The following VWF variants were observed in gnomAD, a reference collection of about 807,000 sequenced individuals.
VWF encodes the protein von Willebrand factor, also known as Factor VIII related antigen.
VWF carries 176 observed loss-of-function variants against 308.6 expected under a neutral mutation model. That is an observed-to-expected ratio of 0.57 (90% confidence interval 0.50 to 0.65). The LOEUF (loss-of-function observed/expected upper bound fraction) is 0.65, where lower values mean the gene tolerates loss of function less well. VWF is among the 30% of genes least tolerant of loss of function. The pLI, the probability that VWF is intolerant of heterozygous loss-of-function variation, is 0.00. For synonymous variants in VWF, 1,385 were observed against 1,443.4 expected (o/e 0.96, Z 0.92); for missense variants, 3,146 against 3,648.2 (o/e 0.86, Z 3.55).
intron 6 of VWF, among the ~76,000 whole-genome samples, chr12:6,077,679 C>T (rs908094479): frequency 2.6e-5 from 4 of 152,210 alleles, no homozygotes; most frequent in South Asian, 2.1e-4. Flanking sequence ...GCCAGCACCA[C>T]GTAGGCCAGC....
Position 6,075,336 on chromosome 12 carries a change from G to A in VWF, c.873C>T (p.Cys291=). Residue 291 remains cysteine (C), a splice_region_variant and synonymous_variant, in exon 7 of 52, where the codon TGC becomes TGT. Transcript: ENST00000261405. This position sits in a 1 kb window ranked among gnomAD's most constrained non-coding sequence, Gnocchi z 4.7. ...VLYGWTDHSA[C]SPVCPAGMEY... ...GGACGGGGCAGGGGGCCGACTTACT[G>A]CACGCGCTGTGGTCGGTCCAGCCGT... The A allele has an allele frequency of 6.2e-7, 1 of 1,613,962 alleles. No homozygotes were observed. Among genetic ancestry groups the A allele is most frequent in the Non-Finnish European group, 8.5e-7 (1 of 1,179,994 alleles).
chr12:5,996,368 C>A, intron 34 of VWF, 146 bp from the exon 35 acceptor site: 2 of 755,734 alleles, frequency 2.6e-6, no homozygotes, highest in South Asian at 3.3e-5. Flanking sequence ...AGAACAATTT[C>A]CTCCTTTTTT....
intron 6 of VWF, among the ~76,000 whole-genome samples, chr12:6,078,031 G>C (rs770027875): frequency 7.2e-5 from 11 of 152,120 alleles, no homozygotes; most frequent in Non-Finnish European, 1.5e-4. Context: ...CTTAATAAAT[G>C]ATGACCCCTA....
In VWF at chr12:6,016,166, G is replaced by A. The variant is rs1944054359; in HGVS notation, c.5378C>T (p.Ser1793Leu). 1 of 1,614,052 alleles carries A rather than the reference G, an allele frequency of 6.2e-7. No individual in the cohort carries two copies. The highest frequency in any genetic ancestry group is 8.5e-7 in the Non-Finnish European group (1 of 1,180,038). ...CGTGACCAGGATGACCACCGCCTTT[G>A]AGGCTCCCGGCCTGGCACCATGCAT... The part of the protein sequence containing the change: ...SEMHGARPGA[S>L]KAVVILVTDV... Residue 1793 changes from serine (S) to leucine (L), a missense_variant, in exon 31 of 52, where the codon TCA becomes TTA. Physicochemically the swap from Ser to Leu is moderately radical, Grantham distance 145. Around this residue, in one of 3 missense-constraint regions of VWF, gnomAD observed 853 missense variants for 1,177.8 expected, o/e 0.72. Coordinates refer to ENST00000261405, the MANE Select transcript of VWF (RefSeq NM_000552.5).
At chr12:6,022,347 G>A (rs1459979104) in intron 26 of VWF, among the ~76,000 whole-genome samples, 1 of 152,126 alleles carries the variant, frequency 6.6e-6, no homozygotes, top group Admixed American at 6.5e-5. Flanking sequence ...CTCTAGAGCT[G>A]TGCTGTACCA....
chr12:6,000,557 C>T (rs1447827346), intron 34 of VWF, among the ~76,000 whole-genome samples: 2 of 151,884 alleles, frequency 1.3e-5, no homozygotes, highest in African/African-American at 4.8e-5. Context: ...CCTGGAATCC[C>T]AGAACTTTGG....
At chr12:6,013,957 T>C (rs535904601) in intron 31 of VWF, among the ~76,000 whole-genome samples, 1 of 152,028 alleles carries the variant, frequency 6.6e-6, no homozygotes, top group East Asian at 1.9e-4. Flanking sequence ...TGTGGATAAA[T>C]GCTTAGGAAA....
At chr12:6,084,735 T>A (rs1353725328) in intron 6 of VWF, among the ~76,000 whole-genome samples, 1 of 152,154 alleles carries the variant, frequency 6.6e-6, no homozygotes, top group Non-Finnish European at 1.5e-5. Context: ...CCCTGATCTT[T>A]CTAGCTCTGG....
At chr12:5,985,821 G>A (rs1943674271) in intron 38 of VWF, among the ~76,000 whole-genome samples, 156 bp from the exon 39 acceptor site, 2 of 152,230 alleles carry the variant, frequency 1.3e-5, no homozygotes, top group Non-Finnish European at 2.9e-5. Context: ...GCTGAAAGGA[G>A]GTTGTGAGGT....
rs1308972488 is a variant in VWF at position 6,075,441 on chromosome 12, C to T, written c.768G>A (p.Glu256=). The T allele has an allele frequency of 4.3e-6, 7 of 1,614,086 alleles. No individual in the cohort carries two copies. Among genetic ancestry groups the T allele is most frequent in the Non-Finnish European group, 5.1e-6 (6 of 1,180,044 alleles). The part of the protein sequence containing the change: ...FVALCEKTLC[E]CAGGLECACP... Reference sequence around the variant, plus strand: ...AGGCGCACTCCAGCCCCCCAGCACACTCACACAAAGTCTTCTCACACAGGG... The same window carrying T: ...AGGCGCACTCCAGCCCCCCAGCACATTCACACAAAGTCTTCTCACACAGGG... Residue 256 remains glutamate (E), a synonymous_variant, in exon 7 of 52, where the codon GAG becomes GAA. Transcript: ENST00000261405. The surrounding 1 kb of genome is among the most constrained non-coding windows in gnomAD (Gnocchi z 4.7).
In VWF at chr12:6,019,687, A is replaced by G. The variant is rs540839573; in HGVS notation, c.3731T>C (p.Val1244Ala). 2 of 1,613,690 alleles carry G rather than the reference A, an allele frequency of 1.2e-6. No individual in the cohort carries two copies. Among genetic ancestry groups the G allele is most frequent in the African/African-American group, 1.3e-5 (1 of 74,996 alleles). Residue 1244 changes from valine (V) to alanine (A), a missense_variant, in exon 28 of 52, where the codon GTG (valine) becomes GCG (alanine). Val to Ala is a moderately conservative substitution (Grantham distance 64, BLOSUM62 0). Transcript: ENST00000261405. The surrounding 1 kb of genome is among the most constrained non-coding windows in gnomAD (Gnocchi z 5.8). Reference protein sequence around the residue: ...CEACQEPGGLVVPPTDAPVSP... With the variant: ...CEACQEPGGLAVPPTDAPVSP... ...CACCGGGGCATCTGTGGGAGGCACC[A>G]CCAGGCCTCCCGGCTCCTGGCAGGC...
intron 6 of VWF, among the ~76,000 whole-genome samples, chr12:6,093,099 C>G (rs1018233201): frequency 1.3e-5 from 2 of 152,106 alleles, no homozygotes; most frequent in Non-Finnish European, 1.5e-5. Flanking sequence ...AGTTTATGAA[C>G]CTTGTGATTC....
In VWF at chr12:6,075,308, G is replaced by T; in HGVS notation, c.874+27C>A. 6.2e-7 allele frequency: 1 copy of T among 1,613,128 alleles called. No individual in the cohort carries two copies. The highest frequency in any genetic ancestry group is 8.5e-7 in the Non-Finnish European group (1 of 1,179,516). ...GGACAGACCGTTCATCCCCGGCAGG[G>T]CAGGACGGGGCAGGGGGCCGACTTA... On this transcript the variant is annotated intron_variant, in intron 7 of 51. Transcript: ENST00000261405. This position sits in a 1 kb window ranked among gnomAD's most constrained non-coding sequence, Gnocchi z 4.7.
intron 18 of VWF, among the ~76,000 whole-genome samples, chr12:6,037,384 G>A (rs1944348635): frequency 6.6e-6 from 1 of 152,150 alleles, no homozygotes; most frequent in Non-Finnish European, 1.5e-5. Flanking sequence ...TCTGGGGGCT[G>A]GTCCAAGCCA....
intron 21 of VWF, among the ~76,000 whole-genome samples, chr12:6,030,527 G>C (rs1301502194): frequency 6.6e-6 from 1 of 152,086 alleles, no homozygotes; most frequent in East Asian, 1.9e-4. Context: ...TCAAAGCAGC[G>C]GATCCAAAAC....
chr12:6,116,765 G>A (rs112814955), intron 3 of VWF, among the ~76,000 whole-genome samples: 8,403 of 152,286 alleles, frequency 0.055, 301 homozygotes, highest in Non-Finnish European at 0.072. Flanking sequence ...CAGGGGCCTC[G>A]CCTTGGCACC....
chr12:6,027,851 C>T (rs1027748539), intron 22 of VWF, among the ~76,000 whole-genome samples: 13 of 82,380 alleles, frequency 1.6e-4, no homozygotes, highest in Non-Finnish European at 3.2e-4. Context: ...AAGACACATA[C>T]ACACACACAC....
chr12:6,071,822 G>C (rs1475641391), intron 9 of VWF, among the ~76,000 whole-genome samples: 2 of 152,202 alleles, frequency 1.3e-5, no homozygotes, highest in Non-Finnish European at 2.9e-5. Flanking sequence ...CTGTGCAGGA[G>C]ACTGGCAAAG....
At chr12:6,011,983 G>A in intron 33 of VWF, 104 bp downstream of exon 33, 2 of 1,447,300 alleles carry the variant, frequency 1.4e-6, no homozygotes, top group Non-Finnish European at 1.9e-6. Context: ...AATAGTAAAA[G>A]GAAGCACTGG....
Sources: gnomAD v4.1 joint callset for allele counts (sites outside exome capture counted in the v4.1 genomes callset) on GRCh38, gnomAD v4.1.1 for gene constraint, gnomAD v4.1.1 regional missense constraint, Gnocchi (gnomAD v3.1) non-coding constraint, MANE v1.5 for transcripts, NCBI Gene and HGNC (gene_info 2026-07-23, HGNC 2026-07-21) for gene names.